Variants in CNKSR2 observed in about 807,000 individuals in gnomAD.
CNKSR2 encodes connector enhancer of kinase suppressor of Ras 2, also known as CNK homolog protein 2.
A neutral mutation model predicts 84.4 loss-of-function variants in CNKSR2; 14 were observed. That is an observed-to-expected ratio of 0.17 (90% CI 0.11 to 0.26). The LOEUF (loss-of-function observed/expected upper bound fraction) is 0.26, where lower values mean the gene tolerates loss of function less well. CNKSR2 is among the 10% of genes least tolerant of loss of function. The probability of loss-of-function intolerance (pLI) is 1.00; values close to 1 mark genes in which losing one functional copy is unlikely to be tolerated. For missense variants in CNKSR2, 485 were observed against 771.2 expected, an observed-to-expected ratio of 0.63 and a Z score of 4.40; for synonymous variants, 275 against 277.9, an observed-to-expected ratio of 0.99 and a Z score of 0.10.
intron 1 of CNKSR2, among the ~76,000 whole-genome samples, chrX:21,400,134 A>G (rs765286921): frequency 1.5e-4 from 17 of 111,537 alleles, no homozygotes; most frequent in Admixed American, 9.6e-5. Context: ...GTAACCTGCA[A>G]TTAATTAATA....
intron 5 of CNKSR2, among the ~76,000 whole-genome samples, chrX:21,483,593 A>AATATATATATAT (rs10592013): frequency 2.0e-4 from 20 of 98,738 alleles, no homozygotes; most frequent in Middle Eastern, 5.0e-3. Context: ...AGTATAATAA[A>AATATATATATAT]ATATATATAT....
At chrX:21,566,388 A>G (rs192737366) in intron 13 of CNKSR2, among the ~76,000 whole-genome samples, 1 of 112,153 alleles carries the variant, frequency 8.9e-6, no homozygotes, top group Admixed American at 9.5e-5. Flanking sequence ...TTACCTGTTT[A>G]TACATGCTTA....
chrX:21,424,757 T>G (rs756676270), intron 1 of CNKSR2: 1 of 112,211 alleles, frequency 8.9e-6, no homozygotes, highest in Admixed American at 9.5e-5. Flanking sequence ...TTCCTTCATT[T>G]TTCCCCTTGT....
chrX:21,457,246 T>C (rs1431877602), intron 4 of CNKSR2, among the ~76,000 whole-genome samples: 1 of 111,942 alleles, frequency 8.9e-6, no homozygotes, highest in East Asian at 2.8e-4. Flanking sequence ...TGTTTATTTT[T>C]GCTTTTATTG....
chrX:21,409,241 TA>T, intron 1 of CNKSR2, among the ~76,000 whole-genome samples: 1 of 20,757 alleles, frequency 4.8e-5, no homozygotes, highest in East Asian at 2.0e-3. Context: ...TATATATATA[TA>T]TATATATATA....
At chrX:21,635,503 T>TATATGTGTATATATAA (rs1569286800) in intron 20 of CNKSR2, among the ~76,000 whole-genome samples, 2 of 104,647 alleles carry the variant, frequency 1.9e-5, no homozygotes, top group African/African-American at 7.0e-5. Context: ...TGTATATATG[T>TATATGTGTATATATAA]ATATATGTAT....
intron 17 of CNKSR2, among the ~76,000 whole-genome samples, chrX:21,599,013 CT>C (rs1184887105): frequency 8.8e-6 from 1 of 113,070 alleles, no homozygotes; most frequent in Non-Finnish European, 1.9e-5. Flanking sequence ...CCTTGTGGCT[CT>C]ACACAGTGGC....
chrX:21,541,522 G>T (rs1457494372), intron 11 of CNKSR2, among the ~76,000 whole-genome samples: 1 of 111,312 alleles, frequency 9.0e-6, no homozygotes, highest in Admixed American at 9.5e-5. Context: ...GCAAAATGAT[G>T]CACAGCTGAT....
intron 13 of CNKSR2, among the ~76,000 whole-genome samples, chrX:21,587,779 T>C (rs1025261929): frequency 1.8e-5 from 2 of 111,579 alleles, no homozygotes; most frequent in African/African-American, 6.5e-5. Flanking sequence ...GTTTCTAATA[T>C]AAGTTTGTAA....
At chrX:21,410,816 GTT>G (rs1318532923) in intron 1 of CNKSR2, among the ~76,000 whole-genome samples, 1 of 109,089 alleles carries the variant, frequency 9.2e-6, no homozygotes, top group African/African-American at 3.3e-5. Flanking sequence ...GTGTGTGTGT[GTT>G]TGACTCTGTA....
chrX:21,382,645 T>A (rs184708167), intron 1 of CNKSR2, among the ~76,000 whole-genome samples: 6 of 111,549 alleles, frequency 5.4e-5, no homozygotes, highest in Non-Finnish European at 9.4e-5. Flanking sequence ...CCTTTATTTG[T>A]TAATTGGGAC....
At position 21,433,550 on chromosome X, in the gene CNKSR2, C is replaced by T. The variant is rs138897402; in HGVS notation, c.431+736C>T. Among the ~76,000 whole-genome samples, 765 of 109,095 alleles carry T rather than the reference C, an allele frequency of 7.0e-3. 2 individuals are homozygous for T. The highest frequency in any genetic ancestry group is 0.024 in the African/African-American group (729 of 30,081). The allele number at this position is 109,095 out of a possible 115,157, so 94.7% of individuals were successfully genotyped here. A position where few individuals can be genotyped will look rare whatever the true frequency, so the allele number is the denominator to read the frequency against. On this transcript the variant is annotated intron_variant, in intron 3 of 21. Coordinates refer to ENST00000379510, the MANE Select transcript of CNKSR2 (RefSeq NM_014927.5). ...GTACTATGTTTAATGGCTTAATAAT[C>T]AAATTTTAAAAATGCTCTTTGTCTT... is the stretch of plus-strand genomic sequence containing the variant.
chrX:21,388,300 A>G (rs1039429274), intron 1 of CNKSR2, among the ~76,000 whole-genome samples: 15 of 112,477 alleles, frequency 1.3e-4, no homozygotes, highest in Non-Finnish European at 2.4e-4. Flanking sequence ...GAACAGATGA[A>G]CTAATAGACA....
intron 1 of CNKSR2, among the ~76,000 whole-genome samples, chrX:21,392,105 G>T (rs748411009): frequency 1.8e-5 from 2 of 111,678 alleles, no homozygotes; most frequent in Non-Finnish European, 3.8e-5. Flanking sequence ...GCCTGGACTT[G>T]ACTGTCCATA....
intron 11 of CNKSR2, among the ~76,000 whole-genome samples, chrX:21,560,525 T>C (rs1163238887): frequency 9.0e-6 from 1 of 111,357 alleles, no homozygotes; most frequent in African/African-American, 3.3e-5. Context: ...GACATATAAA[T>C]GTTTATAATA....
In CNKSR2 at chrX:21,609,225, C is replaced by T. The variant is rs1569272271; in HGVS notation, c.2300C>T (p.Ser767Phe). 8.3e-7 allele frequency: 1 copy of T among 1,210,818 alleles called. No individual in the cohort carries two copies. The highest frequency in any genetic ancestry group is 1.1e-6 in the Non-Finnish European group (1 of 894,805). ...CGCAAGACAGCCAGTCAGCGCCGCT[C>T]CTGGCAGGATTTAATTGAGACGCCA... Reference protein sequence around the residue: ...PIRKTASQRRSWQDLIETPLT... With the variant: ...PIRKTASQRRFWQDLIETPLT... Residue 767 changes from serine to phenylalanine, a missense_variant, in exon 20 of 22, where the codon TCC (serine) becomes TTC (phenylalanine). Physicochemically the swap from Ser to Phe is radical, Grantham distance 155. Around this residue, in one of 5 missense-constraint regions of CNKSR2, gnomAD observed 210 missense variants for 291.5 expected, o/e 0.72. Transcript: ENST00000379510.
At chrX:21,416,553 A>G (rs926595977) in intron 1 of CNKSR2, among the ~76,000 whole-genome samples, 2 of 111,468 alleles carry the variant, frequency 1.8e-5, no homozygotes, top group African/African-American at 6.5e-5. Context: ...CTGTGAAGCC[A>G]TTAGCTCCCA....
intron 10 of CNKSR2, among the ~76,000 whole-genome samples, chrX:21,530,766 G>A (rs1483261161): frequency 1.8e-5 from 2 of 110,644 alleles, no homozygotes; most frequent in African/African-American, 6.5e-5. Context: ...AAAGTTCATA[G>A]GTAAGCAGTG....
chrX:21,538,262 T>C (rs1328669468), intron 11 of CNKSR2: 1 of 111,967 alleles, frequency 8.9e-6, no homozygotes, highest in Non-Finnish European at 1.9e-5. Context: ...TATCATCCCA[T>C]TCTTTCTTGG....
Sources: allele counts gnomAD v4.1 joint callset (sites outside exome capture counted in the v4.1 genomes callset), GRCh38; gene constraint gnomAD v4.1.1; regional missense constraint gnomAD v4.1.1; transcripts MANE v1.5; gene names NCBI Gene and HGNC (gene_info 2026-07-23, HGNC 2026-07-21).